Variants in ZDHHC14 observed in about 807,000 individuals in gnomAD.
ZDHHC14 encodes the protein zDHHC palmitoyltransferase 14.
A neutral mutation model predicts 47.7 loss-of-function variants in ZDHHC14; 16 were observed. The observed-to-expected ratio is 0.34, with a 90% confidence interval of 0.23 to 0.51. ZDHHC14 has a LOEUF of 0.51. Among genes scored for constraint, ZDHHC14 ranks in the 20% least tolerant of loss-of-function variants. The probability of loss-of-function intolerance (pLI) is 0.97; values close to 1 mark genes in which losing one functional copy is unlikely to be tolerated. For missense variants in ZDHHC14, 515 were observed against 662.5 expected (o/e 0.78, Z 2.44); for synonymous variants, 293 against 278.9 (o/e 1.05, Z -0.50).
At chr6:157,540,489 G>A (rs573507870) in intron 1 of ZDHHC14, among the ~76,000 whole-genome samples, 1 of 152,324 alleles carries the variant, frequency 6.6e-6, no homozygotes, top group South Asian at 2.1e-4. Flanking sequence ...CCTCACAGGA[G>A]GGTTCTGGCC....
chr6:157,451,527 A>C (rs1287525324), intron 1 of ZDHHC14, among the ~76,000 whole-genome samples: 1 of 152,254 alleles, frequency 6.6e-6, no homozygotes, highest in East Asian at 1.9e-4. Flanking sequence ...TATATGAATT[A>C]ATGAAATAAT....
intron 1 of ZDHHC14, among the ~76,000 whole-genome samples, chr6:157,442,534 C>T (rs1255940685): frequency 3.3e-5 from 5 of 152,240 alleles, no homozygotes; most frequent in African/African-American, 1.2e-4. Flanking sequence ...CTAAGCCCCG[C>T]TCTCCCAGTG....
In ZDHHC14 at chr6:157,586,106, T is replaced by C. The variant is rs1783689430; in HGVS notation, c.407-6882T>C. 6.6e-6 allele frequency among the ~76,000 whole-genome samples: 1 copy of C among 152,110 alleles called. No homozygotes were observed. The highest frequency in any genetic ancestry group is 1.5e-5 in the Non-Finnish European group (1 of 68,018). On this transcript the variant is annotated intron_variant, in intron 2 of 8. Transcript: ENST00000359775. The surrounding 1 kb of genome is among the most constrained non-coding windows in gnomAD (Gnocchi z 4.6). The stretch of plus-strand genomic sequence containing the variant: ...CTGGAAACAAATCCTCCTGACATCA[T>C]CGGTACTGGGTCTTCCCTCTGGCCT...
At chr6:157,417,895 AGTG>A in intron 1 of ZDHHC14, among the ~76,000 whole-genome samples, 1 of 150,852 alleles carries the variant, frequency 6.6e-6, no homozygotes, top group Non-Finnish European at 1.5e-5. Context: ...CGGAGCTTGC[AGTG>A]ACCTGTGATT....
At chr6:157,406,698 C>A (rs1447000194) in intron 1 of ZDHHC14, among the ~76,000 whole-genome samples, 1 of 152,234 alleles carries the variant, frequency 6.6e-6, no homozygotes, top group Admixed American at 6.5e-5. Flanking sequence ...GGAAAAATTT[C>A]AAACTAAGGA....
chr6:157,573,553 CCCCTGCTGCCCA>C (rs1468191367), intron 2 of ZDHHC14, among the ~76,000 whole-genome samples: 1 of 152,158 alleles, frequency 6.6e-6, no homozygotes, highest in African/African-American at 2.4e-5. Context: ...TGGGGTAGGC[CCCCTGCTGCCCA>C]CCCTGGCTCC....
intron 3 of ZDHHC14, among the ~76,000 whole-genome samples, chr6:157,619,816 A>G (rs1207269101): frequency 6.7e-6 from 1 of 150,132 alleles, no homozygotes; most frequent in African/African-American, 2.4e-5. Flanking sequence ...TACTAATAAA[A>G]CAGAGTCATT....
intron 2 of ZDHHC14, among the ~76,000 whole-genome samples, chr6:157,558,018 A>C (rs1166391706): frequency 1.3e-5 from 2 of 152,250 alleles, no homozygotes; most frequent in African/African-American, 4.8e-5. Context: ...TAGTAAAAAG[A>C]AGCAGGTGAA....
intron 3 of ZDHHC14, among the ~76,000 whole-genome samples, chr6:157,611,429 G>T (rs530447573): frequency 6.6e-6 from 1 of 152,196 alleles, no homozygotes; most frequent in Non-Finnish European, 1.5e-5. Flanking sequence ...TATGACAAAA[G>T]AGTGAGATTA....
intron 2 of ZDHHC14, among the ~76,000 whole-genome samples, chr6:157,557,599 G>A (rs1782528859): frequency 6.6e-6 from 1 of 152,170 alleles, no homozygotes. Flanking sequence ...CAAGACTTTG[G>A]TTGTCCTTAT....
intron 1 of ZDHHC14, among the ~76,000 whole-genome samples, chr6:157,436,604 G>T (rs1008546688): frequency 6.8e-5 from 10 of 148,130 alleles, no homozygotes; most frequent in South Asian, 2.2e-4. Flanking sequence ...GTAAAGGGGG[G>T]TTGCAGGAAT....
chr6:157,409,225 C>T (rs1188988274), intron 1 of ZDHHC14, among the ~76,000 whole-genome samples: 1 of 152,224 alleles, frequency 6.6e-6, no homozygotes, highest in Admixed American at 6.5e-5. Context: ...GCACTTTCTG[C>T]TTCCGCGTCC....
chr6:157,526,491 T>C (rs1781156457), intron 1 of ZDHHC14, among the ~76,000 whole-genome samples: 1 of 152,236 alleles, frequency 6.6e-6, no homozygotes, highest in Admixed American at 6.5e-5. Flanking sequence ...CTACTCGGTC[T>C]TGACAAGGTA....
intron 8 of ZDHHC14, among the ~76,000 whole-genome samples, chr6:157,655,301 A>G (rs183010937): frequency 6.6e-6 from 1 of 152,226 alleles, no homozygotes; most frequent in Non-Finnish European, 1.5e-5. Context: ...AACAGTGGGA[A>G]AAGGGGACAC....
intron 2 of ZDHHC14, among the ~76,000 whole-genome samples, chr6:157,590,924 C>A (rs2114888761): frequency 6.6e-6 from 1 of 152,336 alleles, no homozygotes; most frequent in African/African-American, 2.4e-5. Context: ...ATCAGCATGA[C>A]CTGCATGTGA....
At chr6:157,547,859 A>G (rs1367643260) in intron 2 of ZDHHC14, among the ~76,000 whole-genome samples, 1 of 150,382 alleles carries the variant, frequency 6.6e-6, no homozygotes, top group Non-Finnish European at 1.5e-5. Context: ...ATTTTTTACC[A>G]TATGCAATTT....
At chr6:157,652,400 G>A (rs1777881143) in intron 7 of ZDHHC14, among the ~76,000 whole-genome samples, 1 of 152,168 alleles carries the variant, frequency 6.6e-6, no homozygotes, top group Admixed American at 6.5e-5. Flanking sequence ...AAAATGCAGA[G>A]CACCTGGGGA....
intron 1 of ZDHHC14, among the ~76,000 whole-genome samples, chr6:157,526,872 T>C (rs1413744774): frequency 2.6e-5 from 4 of 152,200 alleles, no homozygotes; most frequent in Admixed American, 2.6e-4. Flanking sequence ...TAGATGTTAA[T>C]TTTTATTTGC....
At chr6:157,484,368 G>A (rs991932265) in intron 1 of ZDHHC14, among the ~76,000 whole-genome samples, 14 of 135,498 alleles carry the variant, frequency 1.0e-4, no homozygotes, top group East Asian at 2.1e-4. Flanking sequence ...ACATATATAC[G>A]TATATATACA....
Sources: allele counts gnomAD v4.1 joint callset (sites outside exome capture counted in the v4.1 genomes callset), GRCh38; gene constraint gnomAD v4.1.1; non-coding constraint Gnocchi (gnomAD v3.1); transcripts MANE v1.5; gene names NCBI Gene and HGNC (gene_info 2026-07-23, HGNC 2026-07-21).